The following SARS1 variants were observed in gnomAD, a reference collection of about 807,000 sequenced individuals.
SARS1 encodes the protein seryl-tRNA synthetase 1.
SARS1 carries 25 observed loss-of-function variants against 63.7 expected under a neutral mutation model. The ratio of observed to expected loss-of-function variants is 0.39; its 90% CI spans 0.29 to 0.55. The LOEUF is 0.55. Among genes scored for constraint, SARS1 ranks in the 20% least tolerant of loss-of-function variants. The probability of loss-of-function intolerance (pLI) is 0.62; values close to 1 mark genes in which losing one functional copy is unlikely to be tolerated. For synonymous variants in SARS1, 231 were observed against 243.5 expected (o/e 0.95, Z 0.48); for missense variants, 417 against 649.7 (o/e 0.64, Z 3.89).
chr1:109,219,223 A>G (rs1452456073), intron 1 of SARS1, among the ~76,000 whole-genome samples: 2 of 134,478 alleles, frequency 1.5e-5, no homozygotes, highest in Non-Finnish European at 3.2e-5. Context: ...CCGAGATCAC[A>G]CCACTGCAGT....
chr1:109,219,100 A>G (rs1251051536), intron 1 of SARS1, among the ~76,000 whole-genome samples: 2 of 151,108 alleles, frequency 1.3e-5, no homozygotes, highest in East Asian at 3.9e-4. Context: ...CCCCATCTCC[A>G]CTAAAAATTC....
At chr1:109,220,960 G>C (rs901833772) in intron 1 of SARS1, among the ~76,000 whole-genome samples, 1 of 151,670 alleles carries the variant, frequency 6.6e-6, no homozygotes, top group Non-Finnish European at 1.5e-5. Flanking sequence ...AGAGTCAATT[G>C]CTCATGGTAA....
At chr1:109,231,068 A>T (rs773770669) in intron 5 of SARS1, 47 bp downstream of exon 5, 15 of 931,378 alleles carry the variant, frequency 1.6e-5, no homozygotes, top group Middle Eastern at 4.3e-4. Flanking sequence ...AAAGAAACAA[A>T]ATATATATAT....
chr1:109,225,845 A>G (rs576628965), intron 2 of SARS1, among the ~76,000 whole-genome samples: 1 of 152,320 alleles, frequency 6.6e-6, no homozygotes, highest in East Asian at 1.9e-4. Context: ...GGGATTATCA[A>G]ATAGCAAGGG....
In SARS1 at chr1:109,221,163, C is replaced by T. The variant is rs541030880; in HGVS notation, c.137-2815C>T. 1.1e-3 allele frequency among the ~76,000 whole-genome samples: 162 copies of T among 151,778 alleles called. 1 individual carries two copies. The South Asian group carries it at 0.02, about 19-fold the overall frequency. On this transcript the variant is annotated intron_variant, in intron 1 of 10. Transcript: ENST00000234677. The stretch of plus-strand genomic sequence containing the variant: ...GCAACCTCCACCTCCCAGGTTCAAG[C>T]GATTCTCCTGCCTCAGCCTCCTGAG...
chr1:109,216,582 C>T, intron 1 of SARS1: 2 of 985,040 alleles, frequency 2.0e-6, no homozygotes, highest in Non-Finnish European at 2.4e-6. Context: ...AAAGTGCTAT[C>T]CTGAGTGGTT....
chr1:109,220,427 G>T (rs934459486), intron 1 of SARS1, among the ~76,000 whole-genome samples: 1 of 152,180 alleles, frequency 6.6e-6, no homozygotes, highest in Non-Finnish European at 1.5e-5. Flanking sequence ...GATATATAGT[G>T]GTGTCTCATT....
intron 5 of SARS1, 118 bp downstream of exon 5, chr1:109,231,139 C>A: frequency 1.7e-6 from 1 of 597,972 alleles, no homozygotes; most frequent in Non-Finnish European, 2.3e-6. Context: ...CACAGATCTA[C>A]CAGTTGTACT....
intron 2 of SARS1, among the ~76,000 whole-genome samples, chr1:109,226,060 A>G (rs887521773): frequency 3.3e-5 from 5 of 151,084 alleles, no homozygotes; most frequent in Admixed American, 2.6e-4. Context: ...TGGCACAATC[A>G]TGGCTCACTG....
Position 109,214,020 on chromosome 1 carries a change from G to A in SARS1, c.28G>A (p.Val10Met). The A allele has an allele frequency of 6.2e-7, 1 of 1,613,778 alleles. No individual in the cohort carries two copies. The highest frequency in any genetic ancestry group is 1.1e-5 in the South Asian group (1 of 91,038). ...GGTGCTGGATCTGGATTTGTTTCGG[G>A]TGGATAAAGGAGGGGACCCAGCCCT... MVLDLDLFR[V>M]DKGGDPALIR... Residue 10 changes from valine to methionine, a missense_variant, in exon 1 of 11, where the codon GTG (valine) becomes ATG (methionine). Coordinates refer to ENST00000234677, the MANE Select transcript of SARS1 (RefSeq NM_006513.4). This position sits in a 1 kb window ranked among gnomAD's most constrained non-coding sequence, Gnocchi z 4.6.
chr1:109,217,681 C>T (rs1654823676), intron 1 of SARS1, among the ~76,000 whole-genome samples: 1 of 151,894 alleles, frequency 6.6e-6, no homozygotes, highest in South Asian at 2.1e-4. Flanking sequence ...CCACCTCAAC[C>T]TTCTAAGTAG....
chr1:109,237,754 G>C lies in SARS1; in HGVS notation c.1411G>C (p.Val471Leu). Residue 471 changes from valine to leucine, a missense_variant, in exon 11 of 11, where the codon GTG becomes CTG. This residue lies in a region of SARS1 where 43 missense variants were observed against 68.1 expected (regional missense o/e 0.63). Transcript: ENST00000234677. This position sits in a 1 kb window ranked among gnomAD's most constrained non-coding sequence, Gnocchi z 4.1. ...PPGLQELIPF[V>L]KPAPIEQEPS... ...AGGACTGCAAGAACTGATCCCCTTT[G>C]TGAAGCCTGCGCCCATTGAGCAGGA... The C allele has an allele frequency of 6.2e-7, 1 of 1,614,194 alleles. No homozygotes were observed. The highest frequency in any genetic ancestry group is 1.7e-4 in the Middle Eastern group (1 of 6,060).
In SARS1 at chr1:109,236,048, C is replaced by A. The variant is rs749970722; in HGVS notation, c.1041C>A (p.Thr347=). 3 of 1,613,890 alleles carry A rather than the reference C, an allele frequency of 1.9e-6. No homozygotes were observed. Among genetic ancestry groups the A allele is most frequent in the Non-Finnish European group, 2.5e-6 (3 of 1,179,798 alleles). ...AGATGTTTGAAGAGATGATTACCAC[C>A]GCAGAGGAGTTCTACCAGTCCCTGG... ...SWEMFEEMIT[T]AEEFYQSLGI... The change falls in exon 8 of 11, where the codon ACC becomes ACA. Residue 347 remains threonine, a synonymous_variant. Coordinates refer to ENST00000234677, the MANE Select transcript of SARS1 (RefSeq NM_006513.4).
chr1:109,229,048 C>T (rs1195417632), intron 3 of SARS1, among the ~76,000 whole-genome samples: 4 of 152,188 alleles, frequency 2.6e-5, no homozygotes, highest in Admixed American at 6.5e-5. Flanking sequence ...TTGAATGCAG[C>T]ACATCAATGG....
chr1:109,231,499 G>A (rs1394919151), intron 5 of SARS1, 132 bp from the exon 6 acceptor site: 9 of 644,592 alleles, frequency 1.4e-5, no homozygotes, highest in Non-Finnish European at 2.2e-5. Flanking sequence ...GGGATCTGTG[G>A]TCTTTTCTTG....
rs370156901 is a variant in SARS1 at position 109,214,040 on chromosome 1, A to G, written c.48A>G (p.Pro16=). Residue 16 remains proline (P), a synonymous_variant, in exon 1 of 11, where the codon CCA becomes CCG. Coordinates refer to ENST00000234677, the MANE Select transcript of SARS1 (RefSeq NM_006513.4). This position sits in a 1 kb window ranked among gnomAD's most constrained non-coding sequence, Gnocchi z 4.6. ...DLFRVDKGGD[P]ALIRETQEKR... ...TTCGGGTGGATAAAGGAGGGGACCC[A>G]GCCCTCATCCGAGAGACGCAGGAGA... is the stretch of plus-strand genomic sequence containing the variant. The G allele has an allele frequency of 7.4e-5, 119 of 1,614,014 alleles. 1 individual carries two copies. The highest frequency in any genetic ancestry group is 1.0e-4 in the Non-Finnish European group (118 of 1,179,998).
rs953924898 is a variant in SARS1 at position 109,235,468 on chromosome 1, T to C, written c.969+37T>C. On this transcript the variant is annotated intron_variant, in intron 7 of 10. Transcript: ENST00000234677. This position sits in a 1 kb window ranked among gnomAD's most constrained non-coding sequence, Gnocchi z 4.7. ...GGTCAGGGTAAGGAGTGGAACTTTC[T>C]CTGTCTCCAGAATGGTTAGATGAGA... The C allele has an allele frequency of 6.5e-7, 1 of 1,527,264 alleles. No individual in the cohort carries two copies. Among genetic ancestry groups the C allele is most frequent in the African/African-American group, 1.4e-5 (1 of 73,468 alleles). 94.6% of individuals were successfully genotyped at this position (1,527,264 alleles called of 1,614,324 possible).
At chr1:109,215,211 G>C (rs1654757150) in intron 1 of SARS1, 1 of 985,444 alleles carries the variant, frequency 1.0e-6, no homozygotes, top group Non-Finnish European at 1.2e-6. Context: ...TTGATTGTGA[G>C]ATTCCACACT....
intron 1 of SARS1, chr1:109,216,911 C>T: frequency 2.0e-6 from 2 of 983,958 alleles, no homozygotes; most frequent in Non-Finnish European, 2.4e-6. Flanking sequence ...GCATGAGTCA[C>T]CATGCCCAGG....
Sources: gnomAD v4.1 joint callset for allele counts (sites outside exome capture counted in the v4.1 genomes callset) on GRCh38, gnomAD v4.1.1 for gene constraint, gnomAD v4.1.1 regional missense constraint, Gnocchi (gnomAD v3.1) non-coding constraint, MANE v1.5 for transcripts, NCBI Gene and HGNC (gene_info 2026-07-23, HGNC 2026-07-21) for gene names.